VSIG4: variants seen among roughly 807,000 people sequenced by gnomAD.
VSIG4 encodes V-set and immunoglobulin domain containing 4.
In VSIG4, 34 loss-of-function variants were observed where a neutral mutation model predicts 23.4. That is an observed-to-expected ratio of 1.45 (90% CI 1.10 to 1.93). The LOEUF (loss-of-function observed/expected upper bound fraction) is 1.93, where lower values mean the gene tolerates loss of function less well. Ranked by LOEUF, VSIG4 falls within the 30% of genes most tolerant of loss-of-function variation. The pLI is 0.00. For missense variants in VSIG4, 433 were observed against 310.8 expected (o/e 1.39, Z -2.96); for synonymous variants, 169 against 120.3 (o/e 1.41, Z -2.65).
Position 66,028,616 on chromosome X carries a change from C to G in VSIG4, c.695-504G>C, listed in dbSNP as rs756383373. On this transcript the variant is annotated intron_variant, in intron 3 of 7. Coordinates refer to ENST00000374737, the MANE Select transcript of VSIG4 (RefSeq NM_007268.3). ...TTGCAAAATAGCCAAAGGTTTGCAGCACCTTAGACAGGATTTATGGAAGAA... is the reference window on the plus strand; with the variant it reads ...TTGCAAAATAGCCAAAGGTTTGCAGGACCTTAGACAGGATTTATGGAAGAA... Among the ~76,000 whole-genome samples the G allele has an allele frequency of 4.1e-5, 4 of 97,685 alleles. No individual in the cohort carries two copies. The South Asian group carries it at 2.0e-3, about 48-fold the overall frequency. 84.8% of individuals were successfully genotyped at this position (97,685 alleles called of 115,157 possible). A position where few individuals can be genotyped will look rare whatever the true frequency, so the allele number is the denominator to read the frequency against.
intron 5 of VSIG4, among the ~76,000 whole-genome samples, chrX:66,025,391 T>C (rs1385371794): frequency 1.8e-5 from 2 of 111,817 alleles, no homozygotes; most frequent in Non-Finnish European, 3.8e-5. Context: ...ATGCTTTCTA[T>C]AGGGCCAAGA....
At position 66,033,588 on chromosome X, in the gene VSIG4, A is replaced by G. The variant is rs375980796; in HGVS notation, c.298T>C (p.Leu100=). 9 of 1,211,211 alleles carry G rather than the reference A, an allele frequency of 7.4e-6. No individual in the cohort carries two copies. The highest frequency in any genetic ancestry group is 1.8e-5 in the South Asian group (1 of 56,936). ...CGGTCATCCATCTCCAGGGTGCTCAATTGGAGGGATACATCTCCTGGAACC... is the reference window on the plus strand; with the variant it reads ...CGGTCATCCATCTCCAGGGTGCTCAGTTGGAGGGATACATCTCCTGGAACC... ...HKVPGDVSLQ[L]STLEMDDRSH... Residue 100 remains leucine (L), a synonymous_variant, in exon 2 of 8, where the codon TTG becomes CTG. Transcript: ENST00000374737.
chrX:66,039,528 C>T (rs967910393), intron 1 of VSIG4, among the ~76,000 whole-genome samples: 6 of 111,317 alleles, frequency 5.4e-5, no homozygotes, highest in African/African-American at 2.0e-4. Flanking sequence ...CTATCCAACT[C>T]TTAGAAAACA....
rs780563578 is a variant in VSIG4 at position 66,039,926 on chromosome X, C to T, written c.55+18G>A. The T allele has an allele frequency of 2.4e-5, 29 of 1,208,045 alleles. No individual in the cohort carries two copies. In the South Asian group the frequency reaches 4.8e-4, roughly 20 times the overall value. On this transcript the variant is annotated intron_variant, in intron 1 of 7. Transcript: ENST00000374737. ...GCCTAAGCCAGCAATGGCAGCCAGG[C>T]CCCCCTTTCTGCCTTACCATAAGTG...
In VSIG4 at chrX:66,025,013, T is replaced by C; in HGVS notation, c.940+12A>G. The C allele has an allele frequency of 5.2e-6, 6 of 1,150,195 alleles. No individual in the cohort carries two copies. Among genetic ancestry groups the C allele is most frequent in the Non-Finnish European group, 7.0e-6 (6 of 854,805 alleles). 94.8% of individuals were successfully genotyped at this position (1,150,195 alleles called of 1,213,427 possible). A position where few individuals can be genotyped will look rare whatever the true frequency, so the allele number is the denominator to read the frequency against. ...AATGAGCCAAAGCCACCTTCTCATA[T>C]TCATCACTAACCTTGTTGGGATGTC... On this transcript the variant is annotated intron_variant, in intron 6 of 7. Coordinates refer to ENST00000374737, the MANE Select transcript of VSIG4 (RefSeq NM_007268.3).
intron 1 of VSIG4, among the ~76,000 whole-genome samples, chrX:66,034,771 GT>G (rs374613409): frequency 0.066 from 3,481 of 52,445 alleles, 254 homozygotes; most frequent in African/African-American, 0.39. Flanking sequence ...GGGGATGGGG[GT>G]GGGGGTGGGG....
At chrX:66,029,204 G>A (rs1312096193) in intron 3 of VSIG4, among the ~76,000 whole-genome samples, 1 of 111,676 alleles carries the variant, frequency 9.0e-6, no homozygotes, top group African/African-American at 3.3e-5. Context: ...AAAGGGTTTG[G>A]GCTTTGTTCT....
At chrX:66,037,245 T>A (rs2085602337) in intron 1 of VSIG4, among the ~76,000 whole-genome samples, 1 of 2,527 alleles carries the variant, frequency 4.0e-4, no homozygotes, top group African/African-American at 1.2e-3. Context: ...TAATATAATA[T>A]AATATATAAT....
In VSIG4 at chrX:66,033,611, A is replaced by G. The variant is rs2085491996; in HGVS notation, c.275T>C (p.Val92Ala). The G allele has an allele frequency of 8.3e-7, 1 of 1,209,444 alleles. No individual in the cohort carries two copies. Among genetic ancestry groups the G allele is most frequent in the Non-Finnish European group, 1.1e-6 (1 of 895,058 alleles). ...CAATTGGAGGGATACATCTCCTGGA[A>G]CCTTGTGGCTCACATGCAGGCGGCC... ...YQGRLHVSHK[V>A]PGDVSLQLST... The change falls in exon 2 of 8, where the codon GTT becomes GCT. Residue 92 changes from valine to alanine, a missense_variant. Val to Ala is a moderately conservative substitution (Grantham distance 64). Coordinates refer to ENST00000374737, the MANE Select transcript of VSIG4 (RefSeq NM_007268.3).
intron 2 of VSIG4, 108 bp from the exon 3 acceptor site, chrX:66,032,857 G>A (rs139846778): frequency 3.7e-6 from 3 of 819,957 alleles, no homozygotes; most frequent in Non-Finnish European, 5.0e-6. Flanking sequence ...TCTGCAACTG[G>A]AACTAAAGGG....
intron 6 of VSIG4, among the ~76,000 whole-genome samples, chrX:66,024,002 A>T (rs1168502194): frequency 8.9e-6 from 1 of 112,397 alleles, no homozygotes; most frequent in Non-Finnish European, 1.9e-5. Flanking sequence ...TAACTGGCAA[A>T]AGCCAGAGCT....
chrX:66,024,971 T>C, intron 6 of VSIG4, 54 bp downstream of exon 6: 1 of 918,986 alleles, frequency 1.1e-6, no homozygotes, highest in South Asian at 2.5e-5. Context: ...GGCTCAAGTA[T>C]ACTGACAGAA....
Position 66,025,765 on chromosome X carries a change from G to A in VSIG4, c.836-636C>T, listed in dbSNP as rs749745996. ...AGTATGTTAGTTTACATAGTAAAAA[G>A]GAACAGAGATTTGAGAATGCTACAT... is the stretch of plus-strand genomic sequence containing the variant. On this transcript the variant is annotated intron_variant, in intron 5 of 7. Transcript: ENST00000374737. 3.6e-5 allele frequency among the ~76,000 whole-genome samples: 4 copies of A among 112,168 alleles called. No individual in the cohort carries two copies. In the East Asian group the frequency reaches 1.1e-3, roughly 31 times the overall value.
intron 1 of VSIG4, among the ~76,000 whole-genome samples, chrX:66,038,048 G>T (rs910715531): frequency 9.0e-6 from 1 of 110,838 alleles, no homozygotes; most frequent in Non-Finnish European, 1.9e-5. Flanking sequence ...TTCCTGGAAT[G>T]CCTCCTGGAT....
chrX:66,034,669 G>A (rs954311124), intron 1 of VSIG4, among the ~76,000 whole-genome samples: 1 of 106,895 alleles, frequency 9.4e-6, no homozygotes, highest in Non-Finnish European at 1.9e-5. Context: ...AGAGGAAAAG[G>A]TTCTGAGTGA....
At chrX:66,039,860 C>T (rs2085663343) in intron 1 of VSIG4, 84 bp downstream of exon 1, 4 of 1,114,114 alleles carry the variant, frequency 3.6e-6, no homozygotes, top group Non-Finnish European at 4.9e-6. Flanking sequence ...TAGGAATAGG[C>T]TTTCCATAGT....
At position 66,032,573 on chromosome X, in the gene VSIG4, G is replaced by C; in HGVS notation, c.589C>G (p.Leu197Val). 1.7e-6 allele frequency: 2 copies of C among 1,211,674 alleles called. No homozygotes were observed. The highest frequency in any genetic ancestry group is 1.1e-6 in the Non-Finnish European group (1 of 895,394). Residue 197 changes from leucine (L) to valine (V), a missense_variant, in exon 3 of 8, where the codon CTC becomes GTC. By Grantham distance (32) the Leu-to-Val change is conservative (BLOSUM62 1). Coordinates refer to ENST00000374737, the MANE Select transcript of VSIG4 (RefSeq NM_007268.3). Reference sequence around the variant, plus strand: ...TCGGCTATCACCGCAGGCTTGAAGAGTAAGGTACTTAGGGTTGCTACTTTG... The same window carrying C: ...TCGGCTATCACCGCAGGCTTGAAGACTAAGGTACTTAGGGTTGCTACTTTG... ...PIKVATLSTLLFKPAVIADSG... is the reference protein window; with the variant it reads ...PIKVATLSTLVFKPAVIADSG...
At chrX:66,034,493 A>G (rs1362273539) in intron 1 of VSIG4, among the ~76,000 whole-genome samples, 1 of 112,056 alleles carries the variant, frequency 8.9e-6, no homozygotes, top group East Asian at 2.8e-4. Context: ...TTCCTGTTTA[A>G]CAAAATCATT....
At chrX:66,039,904 T>G in intron 1 of VSIG4, 40 bp downstream of exon 1, 1 of 1,207,179 alleles carries the variant, frequency 8.3e-7, no homozygotes, top group Non-Finnish European at 1.1e-6. Flanking sequence ...GCCTTTTGCC[T>G]AAGCCAGCAA....
Sources: gnomAD v4.1 joint callset for allele counts (sites outside exome capture counted in the v4.1 genomes callset) on GRCh38, gnomAD v4.1.1 for gene constraint, MANE v1.5 for transcripts, NCBI Gene and HGNC (gene_info 2026-07-23, HGNC 2026-07-21) for gene names.